Variants in CFHR4 observed in about 807,000 individuals in gnomAD.
CFHR4 encodes complement factor H related 4, also known as complement factor H-related protein 4.
In CFHR4, 64 loss-of-function variants were observed where a neutral mutation model predicts 69.3. That is an observed-to-expected ratio of 0.92 (90% CI 0.76 to 1.14). The LOEUF (loss-of-function observed/expected upper bound fraction) is 1.14. Ranked by LOEUF, CFHR4 falls within the 50% of genes most tolerant of loss-of-function variation. CFHR4 has a pLI of 0.00. For missense variants in CFHR4, 636 were observed against 684.9 expected (o/e 0.93, Z 0.80); for synonymous variants, 244 against 237.0 (o/e 1.03, Z -0.27).
At chr1:196,911,591 G>A (rs1658271567) in intron 6 of CFHR4, among the ~76,000 whole-genome samples, 1 of 151,394 alleles carries the variant, frequency 6.6e-6, no homozygotes, top group South Asian at 2.1e-4. Flanking sequence ...TTGTTTGTGT[G>A]TATTGCTTGC....
intron 1 of CFHR4, among the ~76,000 whole-genome samples, chr1:196,901,878 TTAAA>T (rs1245840112): frequency 9.9e-5 from 15 of 151,654 alleles, no homozygotes; most frequent in African/African-American, 2.9e-4. Context: ...ATTTTCCTGG[TTAAA>T]TAAAGGATAG....
At chr1:196,916,983 G>A (rs539135308) in intron 9 of CFHR4, among the ~76,000 whole-genome samples, 1 of 151,610 alleles carries the variant, frequency 6.6e-6, no homozygotes, top group Non-Finnish European at 1.5e-5. Flanking sequence ...GGAAACTTTA[G>A]AAAGTTTTGG....
Position 196,913,113 on chromosome 1 carries a change from A to T in CFHR4, c.1180+191A>T, listed in dbSNP as rs556702528. On this transcript the variant is annotated intron_variant, in intron 7 of 9. Coordinates refer to ENST00000608469, the MANE Select transcript of CFHR4 (RefSeq NM_001201550.3). The stretch of plus-strand genomic sequence containing the variant: ...AGAGTAATGGCTACTTGGGAAGATG[A>T]TCATTTCATCTCTTACAACTCAATC... Among the ~76,000 whole-genome samples, 442 of 151,714 alleles carry T rather than the reference A, an allele frequency of 2.9e-3. 9 individuals carry two copies. The highest frequency in any genetic ancestry group is 4.0e-3 in the Non-Finnish European group (271 of 67,956).
intron 3 of CFHR4, among the ~76,000 whole-genome samples, chr1:196,906,450 T>G (rs1657911217): frequency 6.6e-6 from 1 of 151,444 alleles, no homozygotes; most frequent in Admixed American, 6.6e-5. Context: ...ATGAATATAA[T>G]TTTAATCCAA....
intron 1 of CFHR4, among the ~76,000 whole-genome samples, chr1:196,893,870 A>G (rs1215520008): frequency 1.3e-5 from 2 of 151,550 alleles, no homozygotes; most frequent in Non-Finnish European, 2.9e-5. Flanking sequence ...TTTGTTTTCA[A>G]TGTAGCTTAG....
chr1:196,890,420 C>G (rs1321826440), intron 1 of CFHR4, among the ~76,000 whole-genome samples: 2 of 151,482 alleles, frequency 1.3e-5, no homozygotes, highest in Non-Finnish European at 2.9e-5. Context: ...GAAAGATAAA[C>G]TTGACAGAAA....
chr1:196,898,781 T>G (rs1310772715), intron 1 of CFHR4, among the ~76,000 whole-genome samples: 1 of 151,590 alleles, frequency 6.6e-6, no homozygotes, highest in Admixed American at 6.6e-5. Flanking sequence ...TGGCCTGGGC[T>G]GCAGTGACCT....
In CFHR4 at chr1:196,918,564, AAT is replaced by A. The variant is rs1658792332; in HGVS notation, c.*161_*162del. 2.7e-6 allele frequency: 2 copies of A among 745,766 alleles called. No individual in the cohort carries two copies. The highest frequency in any genetic ancestry group is 2.2e-6 in the Non-Finnish European group (1 of 459,382). 46.2% of individuals were successfully genotyped at this position (745,766 alleles called of 1,614,324 possible). A position where few individuals can be genotyped will look rare whatever the true frequency, so the allele number is the denominator to read the frequency against. On this transcript the variant is annotated 3_prime_UTR_variant, in exon 10 of 10. Transcript: ENST00000608469. ...ATTTGCAACTTAATATGTTCTCAAA[AAT>A]ATGTTAAAACAAACTAAATTATTGC...
intron 3 of CFHR4, among the ~76,000 whole-genome samples, 171 bp downstream of exon 3, chr1:196,905,461 G>A (rs1238004892): frequency 6.6e-6 from 1 of 151,482 alleles, no homozygotes; most frequent in Non-Finnish European, 1.5e-5. Flanking sequence ...CCTTTTTAGA[G>A]TAATGGCTAC....
At chr1:196,901,203 A>T (rs1320334171) in intron 1 of CFHR4, among the ~76,000 whole-genome samples, 3 of 151,282 alleles carry the variant, frequency 2.0e-5, no homozygotes, top group Non-Finnish European at 2.9e-5. Context: ...TTAAGATGCT[A>T]TTTATAAGCA....
intron 2 of CFHR4, among the ~76,000 whole-genome samples, chr1:196,904,641 C>T (rs1490547052): frequency 2.0e-5 from 3 of 151,444 alleles, no homozygotes; most frequent in Non-Finnish European, 4.4e-5. Flanking sequence ...TAAGCATCCA[C>T]TTAAGATGAC....
chr1:196,896,963 T>C (rs1200673007), intron 1 of CFHR4, among the ~76,000 whole-genome samples: 1 of 151,618 alleles, frequency 6.6e-6, no homozygotes. Context: ...TTGTTACATA[T>C]GTATAAATAC....
chr1:196,897,967 A>G (rs1657401770), intron 1 of CFHR4, among the ~76,000 whole-genome samples: 1 of 151,482 alleles, frequency 6.6e-6, no homozygotes, highest in Admixed American at 6.6e-5. Context: ...GTACTCAAGG[A>G]GAAAAGCTGA....
intron 1 of CFHR4, among the ~76,000 whole-genome samples, chr1:196,899,509 C>T (rs919395478): frequency 1.3e-5 from 2 of 151,450 alleles, no homozygotes; most frequent in Non-Finnish European, 2.9e-5. Context: ...GATGCTTAGG[C>T]TGATCTCAAA....
chr1:196,910,438 C>A lies in CFHR4; in HGVS notation c.957C>A (p.His319Gln). Reference sequence around the variant, plus strand: ...CAGGAAGTTACTGGGATTACATTCACTGCACACAAGATGGGTGGTTGCCAA... The same window carrying A: ...CAGGAAGTTACTGGGATTACATTCAATGCACACAAGATGGGTGGTTGCCAA... ...TPSGSYWDYI[H>Q]CTQDGWLPTV... is the part of the protein sequence containing the mutation. Residue 319 changes from histidine (H) to glutamine (Q), a missense_variant, in exon 6 of 10, where the codon CAC (histidine) becomes CAA (glutamine). Transcript: ENST00000608469. The A allele has an allele frequency of 6.2e-7, 1 of 1,612,822 alleles. No homozygotes were observed. The highest frequency in any genetic ancestry group is 1.1e-5 in the South Asian group (1 of 91,038).
At chr1:196,904,788 G>T (rs1025407342) in intron 2 of CFHR4, among the ~76,000 whole-genome samples, 11 of 151,534 alleles carry the variant, frequency 7.3e-5, no homozygotes, top group Non-Finnish European at 1.6e-4. Context: ...CACCAGAAAG[G>T]TTCAGGTTAT....
chr1:196,894,129 G>A lies in CFHR4; in HGVS notation c.58+5921G>A, dbSNP rs369832897. On this transcript the variant is annotated intron_variant, in intron 1 of 9. Transcript: ENST00000608469. ...AAAACTGCTCTATCCCCCCTTTTCCGTTGTTAATGTCACAGAATTTCATCT... is the reference window on the plus strand; with the variant it reads ...AAAACTGCTCTATCCCCCCTTTTCCATTGTTAATGTCACAGAATTTCATCT... 5.4e-4 allele frequency among the ~76,000 whole-genome samples: 82 copies of A among 151,450 alleles called. 1 individual carries two copies. Among genetic ancestry groups the A allele is most frequent in the Non-Finnish European group, 9.4e-4 (64 of 67,936 alleles).
At chr1:196,917,691 TAGAG>T (rs1558254447) in intron 9 of CFHR4, among the ~76,000 whole-genome samples, 3 of 151,638 alleles carry the variant, frequency 2.0e-5, no homozygotes, top group African/African-American at 7.3e-5. Context: ...TATGTATATA[TAGAG>T]AGTTTTATTT....
rs1227934039 is a variant in CFHR4 at position 196,903,379 on chromosome 1, G to A, written c.256+764G>A. Among the ~76,000 whole-genome samples the A allele has an allele frequency of 2.6e-5, 4 of 151,192 alleles. 1 individual carries two copies. Among genetic ancestry groups the A allele is most frequent in the East Asian group, 3.9e-4 (2 of 5,152 alleles). On this transcript the variant is annotated intron_variant, in intron 2 of 9. Transcript: ENST00000608469. Reference sequence around the variant, plus strand: ...TAGAAATATAAGTCAGGGGCCAGGCGCAGTGGCTCAGTCCTGTAATCCCAG... The same window carrying A: ...TAGAAATATAAGTCAGGGGCCAGGCACAGTGGCTCAGTCCTGTAATCCCAG...
Sources: gnomAD v4.1 joint callset for allele counts (sites outside exome capture counted in the v4.1 genomes callset) on GRCh38, gnomAD v4.1.1 for gene constraint, MANE v1.5 for transcripts, NCBI Gene and HGNC (gene_info 2026-07-23, HGNC 2026-07-21) for gene names.